The following ANKRD35 variants were observed in gnomAD, a reference collection of about 807,000 sequenced individuals.
The protein encoded by ANKRD35 is ankyrin repeat domain-containing protein 35.
In ANKRD35, 102 loss-of-function variants were observed where a neutral mutation model predicts 109.9. The ratio of observed to expected loss-of-function variants is 0.93; its 90% confidence interval spans 0.79 to 1.09. ANKRD35 has a LOEUF of 1.09. ANKRD35 is among the 50% of genes least tolerant of loss of function. ANKRD35 has a pLI of 0.00. For synonymous variants in ANKRD35, 515 were observed against 512.4 expected (o/e 1.01, Z -0.07); for missense variants, 1,240 against 1,230.1 (o/e 1.01, Z -0.12).
intron 11 of ANKRD35, 56 bp downstream of exon 11, chr1:145,868,255 A>G (rs1653676996): frequency 1.3e-6 from 2 of 1,563,374 alleles, no homozygotes; most frequent in African/African-American, 1.4e-5. Flanking sequence ...CCACATATAC[A>G]TCACTTCCAC....
rs1294551504 is a variant in ANKRD35, at chr1:145,873,426, C to A, written c.1343G>T (p.Gly448Val). The change falls in exon 10 of 14, where the codon GGG becomes GTG. Residue 448 changes from glycine (G) to valine (V), a missense_variant. Physicochemically the swap from Gly to Val is moderately radical, Grantham distance 109 (BLOSUM62 -3). Coordinates refer to ENST00000355594, the MANE Select transcript of ANKRD35 (RefSeq NM_144698.5). ...ATGATCAGGGCCAAAGGTCTGTGCCCCATTGGTAGTCAGTTGCTGTCCTGT... is the reference window on the plus strand; with the variant it reads ...ATGATCAGGGCCAAAGGTCTGTGCCACATTGGTAGTCAGTTGCTGTCCTGT... The part of the protein sequence containing the change: ...KATGQQLTTN[G>V]AQTFGPDHAD... The A allele has an allele frequency of 6.2e-7, 1 of 1,613,938 alleles. No individual in the cohort carries two copies. The highest frequency in any genetic ancestry group is 8.5e-7 in the Non-Finnish European group (1 of 1,180,004).
intron 1 of ANKRD35, among the ~76,000 whole-genome samples, chr1:145,884,356 C>CTCA (rs1654401980): frequency 6.6e-6 from 1 of 152,236 alleles, no homozygotes; most frequent in African/African-American, 2.4e-5. Flanking sequence ...CAGGCCTCAA[C>CTCA]AGAGTTCATA....
intron 1 of ANKRD35, among the ~76,000 whole-genome samples, chr1:145,882,100 G>T (rs1384818149): frequency 8.7e-5 from 13 of 148,934 alleles, no homozygotes; most frequent in African/African-American, 2.0e-4. Context: ...GACTACAGGC[G>T]CCCGCCACCA....
chr1:145,869,360 T>G (rs982010202), intron 10 of ANKRD35, among the ~76,000 whole-genome samples: 4 of 151,996 alleles, frequency 2.6e-5, no homozygotes, highest in Non-Finnish European at 4.4e-5. Flanking sequence ...TTTTGTATTT[T>G]TAGTAGAGGC....
At chr1:145,882,292 T>C (rs1198252203) in intron 1 of ANKRD35, among the ~76,000 whole-genome samples, 7 of 144,636 alleles carry the variant, frequency 4.8e-5, no homozygotes, top group African/African-American at 1.6e-4. Context: ...TTTTTCTTTC[T>C]TTCCTTTTTT....
In ANKRD35 at chr1:145,885,704, A is replaced by G. The variant is rs782770331; in HGVS notation, c.39+16T>C. Reference sequence around the variant, plus strand: ...TGGGATCCCAACCCCATCCTCCCACACATTTTGGCACCTACCGCCACCTGT... The same window carrying G: ...TGGGATCCCAACCCCATCCTCCCACGCATTTTGGCACCTACCGCCACCTGT... On this transcript the variant is annotated intron_variant, in intron 1 of 13. Coordinates refer to ENST00000355594, the MANE Select transcript of ANKRD35 (RefSeq NM_144698.5). 1.9e-6 allele frequency: 3 copies of G among 1,614,000 alleles called. No individual in the cohort carries two copies. The highest frequency in any genetic ancestry group is 2.2e-5 in the South Asian group (2 of 91,044).
Position 145,874,956 on chromosome 1 carries a change from A to G in ANKRD35, c.611T>C (p.Leu204Pro), listed in dbSNP as rs782732706. 5 of 1,612,860 alleles carry G rather than the reference A, an allele frequency of 3.1e-6. No homozygotes were observed. Among genetic ancestry groups the G allele is most frequent in the Non-Finnish European group, 4.2e-6 (5 of 1,179,530 alleles). ...CGCGTCAGCTCCGTGGCTCAGGAGC[A>G]GTTCAGCCACCTCGGCACTGCCTTT... is the stretch of plus-strand genomic sequence containing the variant. ...CEKGSAEVAE[L>P]LLSHGADAGA... The change falls in exon 8 of 14, where the codon CTG becomes CCG. Residue 204 changes from leucine (L) to proline (P), a missense_variant. By Grantham distance (98) the Leu-to-Pro change is moderately conservative. Transcript: ENST00000355594.
chr1:145,876,762 C>G, intron 5 of ANKRD35, 54 bp downstream of exon 5: 1 of 1,613,158 alleles, frequency 6.2e-7, no homozygotes. Context: ...CACGCCTCCC[C>G]TTTCCCACCC....
In ANKRD35 at chr1:145,876,838, G is replaced by T. The variant is rs1244994785; in HGVS notation, c.360C>A (p.Asn120Lys). 2 of 1,614,000 alleles carry T rather than the reference G, an allele frequency of 1.2e-6. No homozygotes were observed. The highest frequency in any genetic ancestry group is 1.7e-4 in the Middle Eastern group (1 of 6,052). ...GANEDAVDAENRSPLHWAASS... is the reference protein window; with the variant it reads ...GANEDAVDAEKRSPLHWAASS... The stretch of plus-strand genomic sequence containing the variant: ...CACCTGCCCAGTGCAATGGACTACG[G>T]TTTTCTGCATCCACAGCATCTTCAT... The change falls in exon 5 of 14, where the codon AAC becomes AAA. Residue 120 changes from asparagine to lysine, a missense_variant. Physicochemically the swap from Asn to Lys is moderately conservative, Grantham distance 94. Transcript: ENST00000355594.
chr1:145,871,312 C>G (rs978459317), intron 10 of ANKRD35, among the ~76,000 whole-genome samples: 1 of 151,472 alleles, frequency 6.6e-6, no homozygotes, highest in South Asian at 2.1e-4. Context: ...TACAGGTGCC[C>G]GCACCACGCC....
chr1:145,874,730 T>C, intron 8 of ANKRD35, 92 bp downstream of exon 8: 7 of 1,396,416 alleles, frequency 5.0e-6, no homozygotes, highest in Non-Finnish European at 6.7e-6. Flanking sequence ...TGACAATTAT[T>C]TGTCAGATAG....
chr1:145,881,949 CTTTTTTT>C (rs782253954), intron 1 of ANKRD35, among the ~76,000 whole-genome samples: 1 of 104,636 alleles, frequency 9.6e-6, no homozygotes, highest in Non-Finnish European at 1.9e-5. Flanking sequence ...CTTTCCCCTT[CTTTTTTT>C]TTTTTTTTTT....
chr1:145,874,927 C>G lies in ANKRD35; in HGVS notation c.640G>C (p.Ala214Pro). The change falls in exon 8 of 14, where the codon GCT (alanine) becomes CCT (proline). Residue 214 changes from alanine (A) to proline (P), a missense_variant. Ala to Pro is a conservative substitution (Grantham distance 27). Coordinates refer to ENST00000355594, the MANE Select transcript of ANKRD35 (RefSeq NM_144698.5). Reference sequence around the variant, plus strand: ...GCATCATGCCCTGTGCTGTCCACAGCCCCCGCGTCAGCTCCGTGGCTCAGG... The same window carrying G: ...GCATCATGCCCTGTGCTGTCCACAGGCCCCGCGTCAGCTCCGTGGCTCAGG... The part of the protein sequence containing the change: ...LLLSHGADAG[A>P]VDSTGHDALH... 1 of 1,613,536 alleles carries G rather than the reference C, an allele frequency of 6.2e-7. No homozygotes were observed. The highest frequency in any genetic ancestry group is 8.5e-7 in the Non-Finnish European group (1 of 1,179,760).
Position 145,872,537 on chromosome 1 carries a change from C to T in ANKRD35, c.2232G>A (p.Gln744=). 1 of 1,607,134 alleles carries T rather than the reference C, an allele frequency of 6.2e-7. No homozygotes were observed. Among genetic ancestry groups the T allele is most frequent in the Non-Finnish European group, 8.5e-7 (1 of 1,176,754 alleles). ...STLVDRHREA[Q]QVLARLQEEN... ...CTTCTTGCAGCCGAGCCAGCACCTG[C>T]TGGGCCTCCCGGTGCCGATCCACCA... The change falls in exon 10 of 14, where the codon CAG becomes CAA. Residue 744 remains glutamine (Q), a synonymous_variant. Coordinates refer to ENST00000355594, the MANE Select transcript of ANKRD35 (RefSeq NM_144698.5).
chr1:145,875,474 A>G (rs587724570), intron 7 of ANKRD35, among the ~76,000 whole-genome samples: 213 of 151,988 alleles, frequency 1.4e-3, no homozygotes, highest in Non-Finnish European at 2.7e-3. Context: ...GCCATTCCTT[A>G]GAGCTGCAGG....
rs587670162 is a variant in ANKRD35 at position 145,883,312 on chromosome 1, T to C, written c.39+2408A>G. On this transcript the variant is annotated intron_variant, in intron 1 of 13. Transcript: ENST00000355594. ...GTTGGCCAGGCTGGTCCCAAACTCC[T>C]GACCTCAGGTGATCCACCCGCTTCA... Among the ~76,000 whole-genome samples, 34 of 152,202 alleles carry C rather than the reference T, an allele frequency of 2.2e-4. 2 individuals are homozygous for C. Among genetic ancestry groups the C allele is most frequent in the African/African-American group, 7.9e-4 (33 of 41,536 alleles).
chr1:145,872,045 C>T lies in ANKRD35; in HGVS notation c.2724G>A (p.Thr908=), dbSNP rs139657330. 6.2e-7 allele frequency: 1 copy of T among 1,613,668 alleles called. No homozygotes were observed. The highest frequency in any genetic ancestry group is 8.5e-7 in the Non-Finnish European group (1 of 1,179,974). The stretch of plus-strand genomic sequence containing the variant: ...CCATCTTCTCTTTCAGCAGCTCTGC[C>T]GTTTTCTCAAACTGCTCGGAGCGCC... The part of the protein sequence containing the change: ...MRGRSEQFEK[T]AELLKEKMEH... Residue 908 remains threonine (T), a synonymous_variant, in exon 10 of 14, where the codon ACG becomes ACA. Transcript: ENST00000355594.
rs1553738859 is a variant in ANKRD35 at position 145,872,259 on chromosome 1, T to G, written c.2510A>C (p.Lys837Thr). Residue 837 changes from lysine (K) to threonine (T), a missense_variant, in exon 10 of 14, where the codon AAA (lysine) becomes ACA (threonine). Transcript: ENST00000355594. The part of the protein sequence containing the change: ...REAASLRQHE[K>T]TRGSLVAQAQ... ...CTGGGCCACCAGCGAACCCCGAGTT[T>G]TCTCGTGTTGCCGTAGGCTGGCTGC... 9.3e-6 allele frequency: 15 copies of G among 1,611,928 alleles called. No homozygotes were observed. Among genetic ancestry groups the G allele is most frequent in the Non-Finnish European group, 1.3e-5 (15 of 1,179,126 alleles).
chr1:145,872,855 C>A lies in ANKRD35; in HGVS notation c.1914G>T (p.Arg638=). ...LEELGELGRE[R]QRLQRELQSL... ...ACTGTAGCTCCCTCTGCAACCTCTG[C>A]CGCTCCCGCCCCAACTCCCCTAACT... is the stretch of plus-strand genomic sequence containing the variant. The change falls in exon 10 of 14, where the codon CGG becomes CGT. Residue 638 remains arginine (R), a synonymous_variant. Transcript: ENST00000355594. 6.2e-7 allele frequency: 1 copy of A among 1,614,132 alleles called. No homozygotes were observed. Among genetic ancestry groups the A allele is most frequent in the Non-Finnish European group, 8.5e-7 (1 of 1,180,036 alleles).
Sources: gnomAD v4.1 joint callset for allele counts (sites outside exome capture counted in the v4.1 genomes callset) on GRCh38, gnomAD v4.1.1 for gene constraint, MANE v1.5 for transcripts, NCBI Gene and HGNC (gene_info 2026-07-23, HGNC 2026-07-21) for gene names.